Variants in CARMIL1 observed in about 807,000 individuals in gnomAD.
CARMIL1 encodes capping protein regulator and myosin 1 linker 1.
Under a neutral mutation model 177.1 loss-of-function variants are expected in CARMIL1, and 90 were observed. The ratio of observed to expected loss-of-function variants is 0.51; its 90% CI spans 0.43 to 0.61. The LOEUF is 0.61. CARMIL1 is among the 20% of genes least tolerant of loss of function. The pLI, the probability that CARMIL1 is intolerant of heterozygous loss-of-function variation, is 0.00. For synonymous variants in CARMIL1, 577 were observed against 606.2 expected (o/e 0.95, Z 0.71); for missense variants, 1,380 against 1,667.0 (o/e 0.83, Z 3.00).
chr6:25,511,100 A>G (rs923238961), intron 20 of CARMIL1, among the ~76,000 whole-genome samples: 1 of 152,100 alleles, frequency 6.6e-6, no homozygotes. Context: ...TTTACATTCT[A>G]GTTGACTTTA....
intron 24 of CARMIL1, among the ~76,000 whole-genome samples, chr6:25,531,093 A>G (rs993414528): frequency 6.6e-6 from 1 of 152,218 alleles, no homozygotes; most frequent in Non-Finnish European, 1.5e-5. Flanking sequence ...ATTTCGTGGA[A>G]TCAACTGCTA....
At chr6:25,613,147 T>C (rs2151340523) in intron 36 of CARMIL1, among the ~76,000 whole-genome samples, 1 of 152,238 alleles carries the variant, frequency 6.6e-6, no homozygotes, top group East Asian at 1.9e-4. Flanking sequence ...TCCTTTTAAA[T>C]TTTTGTGATC....
chr6:25,378,975 A>T (rs1474910484), intron 2 of CARMIL1, among the ~76,000 whole-genome samples: 1 of 151,898 alleles, frequency 6.6e-6, no homozygotes, highest in African/African-American at 2.4e-5. Context: ...AACCAGACAG[A>T]CCTTGGTCAG....
At chr6:25,606,371 G>A in intron 35 of CARMIL1, 98 bp downstream of exon 35, 1 of 1,059,638 alleles carries the variant, frequency 9.4e-7, no homozygotes, top group Non-Finnish European at 1.4e-6. Flanking sequence ...CAGCTGGTGA[G>A]CGAGGTACAG....
intron 8 of CARMIL1, chr6:25,452,393 A>C (rs1311194519): frequency 3.4e-6 from 2 of 596,020 alleles, no homozygotes; most frequent in Non-Finnish European, 5.9e-6. Context: ...AAAACAAGAA[A>C]ATTGCACGTG....
chr6:25,341,777 G>A (rs1387466733), intron 2 of CARMIL1, among the ~76,000 whole-genome samples: 1 of 152,202 alleles, frequency 6.6e-6, no homozygotes, highest in Non-Finnish European at 1.5e-5. Flanking sequence ...GAAGTAATAA[G>A]ACAGACATAG....
chr6:25,536,155 T>C (rs1358017307), intron 24 of CARMIL1, among the ~76,000 whole-genome samples: 13 of 152,146 alleles, frequency 8.5e-5, no homozygotes, highest in Admixed American at 8.5e-4. Flanking sequence ...TCTTTCTTAG[T>C]GTGTGGTTTG....
chr6:25,331,343 T>C (rs12208142), intron 2 of CARMIL1, among the ~76,000 whole-genome samples: 22,242 of 152,256 alleles, frequency 0.15, 1,707 homozygotes, highest in Non-Finnish European at 0.16. Context: ...GCCTCCATGA[T>C]AGACGCTCCA....
intron 2 of CARMIL1, among the ~76,000 whole-genome samples, chr6:25,391,047 A>C (rs546050754): frequency 6.6e-6 from 1 of 152,228 alleles, no homozygotes; most frequent in Non-Finnish European, 1.5e-5. Context: ...TTGTGAAAAA[A>C]CTTTAAAGTT....
At chr6:25,293,302 G>GTGTGTGTGTGTTT (rs367596061) in intron 2 of CARMIL1, among the ~76,000 whole-genome samples, 388 of 144,602 alleles carry the variant, frequency 2.7e-3, no homozygotes, top group Non-Finnish European at 3.8e-3. Flanking sequence ...GTGTGTGTGT[G>GTGTGTGTGTGTTT]TGTTTTGTAG....
At chr6:25,586,579 G>T (rs1359672150) in intron 31 of CARMIL1, among the ~76,000 whole-genome samples, 4 of 151,530 alleles carry the variant, frequency 2.6e-5, no homozygotes, top group Non-Finnish European at 5.9e-5. Flanking sequence ...CTGCAATCTC[G>T]GCACTTTGGG....
At chr6:25,386,849 C>T (rs981177943) in intron 2 of CARMIL1, among the ~76,000 whole-genome samples, 3 of 151,752 alleles carry the variant, frequency 2.0e-5, no homozygotes, top group South Asian at 4.2e-4. Context: ...ATCATGAGGC[C>T]GGCTGTGGTG....
chr6:25,460,711 AT>A (rs1800049094), intron 8 of CARMIL1, among the ~76,000 whole-genome samples: 1 of 152,232 alleles, frequency 6.6e-6, no homozygotes, highest in Non-Finnish European at 1.5e-5. Context: ...TCTATTTCAT[AT>A]TCTAATGTAT....
At chr6:25,501,246 C>A (rs1039885046) in intron 17 of CARMIL1, among the ~76,000 whole-genome samples, 1 of 152,094 alleles carries the variant, frequency 6.6e-6, no homozygotes, top group Non-Finnish European at 1.5e-5. Context: ...TATTCCCGGG[C>A]CTTTATACTC....
chr6:25,301,612 T>C (rs1017555281), intron 2 of CARMIL1, among the ~76,000 whole-genome samples: 26 of 152,224 alleles, frequency 1.7e-4, no homozygotes, highest in African/African-American at 6.3e-4. Flanking sequence ...GACCAAGTGG[T>C]TTCAGATGGG....
At position 25,577,891 on chromosome 6, in the gene CARMIL1, T is replaced by C. The variant is rs1173730546; in HGVS notation, c.2743-3033T>C. ...GCCACAATGGGGACTTATTGATGATTTGTGATGTTAGGACAAGAAAGAAGT... is the reference window on the plus strand; with the variant it reads ...GCCACAATGGGGACTTATTGATGATCTGTGATGTTAGGACAAGAAAGAAGT... On this transcript the variant is annotated intron_variant, in intron 29 of 36. Transcript: ENST00000329474. This position sits in a 1 kb window ranked among gnomAD's most constrained non-coding sequence, Gnocchi z 4.5. Among the ~76,000 whole-genome samples the C allele has an allele frequency of 1.3e-5, 2 of 152,196 alleles. No individual in the cohort carries two copies. The highest frequency in any genetic ancestry group is 1.3e-4 in the Admixed American group (2 of 15,286).
chr6:25,446,620 A>G (rs983302504), intron 5 of CARMIL1, among the ~76,000 whole-genome samples: 4 of 152,202 alleles, frequency 2.6e-5, no homozygotes, highest in Non-Finnish European at 5.9e-5. Flanking sequence ...CTCATCATTC[A>G]CATGTTCATG....
chr6:25,546,254 G>A (rs1442851042), intron 26 of CARMIL1, among the ~76,000 whole-genome samples: 2 of 151,874 alleles, frequency 1.3e-5, no homozygotes, highest in East Asian at 3.9e-4. Flanking sequence ...AGTGCAATAC[G>A]ATAAACAAAA....
chr6:25,589,629 A>G (rs1245491821), intron 31 of CARMIL1, among the ~76,000 whole-genome samples: 1 of 152,162 alleles, frequency 6.6e-6, no homozygotes, highest in Non-Finnish European at 1.5e-5. Flanking sequence ...CTGGGATTAC[A>G]GGTGTGCACC....
Sources: gnomAD v4.1 joint callset for allele counts (sites outside exome capture counted in the v4.1 genomes callset) on GRCh38, gnomAD v4.1.1 for gene constraint, Gnocchi (gnomAD v3.1) non-coding constraint, MANE v1.5 for transcripts, NCBI Gene and HGNC (gene_info 2026-07-23, HGNC 2026-07-21) for gene names.